Variants in TAB2 observed in about 807,000 individuals in gnomAD.
TAB2 encodes the protein TGF-beta activated kinase 1 (MAP3K7) binding protein 2, also known as TGF-beta-activated kinase 1 and MAP3K7-binding protein 2.
A neutral mutation model predicts 65.0 loss-of-function variants in TAB2; 3 were observed. The observed-to-expected ratio is 0.05, with a 90% confidence interval of 0.02 to 0.12. The LOEUF (loss-of-function observed/expected upper bound fraction) is 0.12, where lower values mean the gene tolerates loss of function less well. TAB2 is among the 10% of genes least tolerant of loss of function. TAB2 has a pLI of 1.00. For synonymous variants in TAB2, 298 were observed against 285.1 expected (o/e 1.05, Z -0.46); for missense variants, 623 against 840.3 (o/e 0.74, Z 3.20).
intron 1 of TAB2, among the ~76,000 whole-genome samples, chr6:149,338,930 A>G: frequency 6.6e-6 from 1 of 152,212 alleles, no homozygotes; most frequent in Non-Finnish European, 1.5e-5. Context: ...TAGAGTAGTA[A>G]TTGTTCAGCA....
At chr6:149,289,739 C>A (rs1778742469) in intron 1 of TAB2, among the ~76,000 whole-genome samples, 1 of 152,224 alleles carries the variant, frequency 6.6e-6, no homozygotes. Flanking sequence ...GCCTGTGACA[C>A]AACTCTCAGG....
chr6:149,401,554 G>A (rs1782412667), intron 6 of TAB2, among the ~76,000 whole-genome samples: 1 of 152,080 alleles, frequency 6.6e-6, no homozygotes, highest in African/African-American at 2.4e-5. Flanking sequence ...ACATTAATAT[G>A]TAAAGCAAAT....
rs187411667 is a variant in TAB2, at chr6:149,300,071, T to C, written c.-120-77947T>C. Among the ~76,000 whole-genome samples the C allele has an allele frequency of 4.8e-3, 724 of 152,284 alleles. 4 individuals are homozygous for C. The highest frequency in any genetic ancestry group is 0.027 in the Middle Eastern group (8 of 294). ...TGGCTAAAGGTAGAAATATACCTTT[T>C]TTCTTCCTATTTTTGAAGAATTTTT... On this transcript the variant is annotated intron_variant, in intron 1 of 1. Transcript: ENST00000606202.
intron 1 of TAB2, among the ~76,000 whole-genome samples, chr6:149,346,768 T>C (rs1346929815): frequency 1.3e-5 from 2 of 152,148 alleles, no homozygotes; most frequent in African/African-American, 4.8e-5. Flanking sequence ...ATACTTCTTA[T>C]AACTTTCTCT....
At chr6:149,322,227 T>C (rs1217742339) in intron 1 of TAB2, among the ~76,000 whole-genome samples, 1 of 152,126 alleles carries the variant, frequency 6.6e-6, no homozygotes, top group Non-Finnish European at 1.5e-5. Context: ...AAAGACTTAA[T>C]AAATGAGTAC....
intron 1 of TAB2, among the ~76,000 whole-genome samples, chr6:149,239,567 G>A (rs1157254823): frequency 6.6e-6 from 1 of 152,222 alleles, no homozygotes; most frequent in Non-Finnish European, 1.5e-5. Flanking sequence ...TTTCACTTCA[G>A]TTTAGTGAGC....
chr6:149,231,142 C>T, intron 1 of TAB2, among the ~76,000 whole-genome samples: 1 of 152,220 alleles, frequency 6.6e-6, no homozygotes, highest in East Asian at 1.9e-4. Context: ...CACCTCATTA[C>T]AATTCAGTTC....
intron 1 of TAB2, among the ~76,000 whole-genome samples, chr6:149,272,227 G>A (rs536730919): frequency 5.9e-5 from 9 of 152,316 alleles, no homozygotes; most frequent in South Asian, 2.1e-4. Flanking sequence ...CCCCAGATGG[G>A]ATGACCAACA....
At position 149,353,456 on chromosome 6, in the gene TAB2, C is replaced by A. The variant is rs78050963; in HGVS notation, c.-89-16453C>A. Among the ~76,000 whole-genome samples, 23 of 152,314 alleles carry A rather than the reference C, an allele frequency of 1.5e-4. No homozygotes were observed. The East Asian group carries it at 4.4e-3, about 29-fold the overall frequency. On this transcript the variant is annotated intron_variant, in intron 1 of 6. Coordinates refer to ENST00000637181, the MANE Select transcript of TAB2 (RefSeq NM_001292034.3). ...AGATAATCATTGTTACCAGTTTCTT[C>A]CCCAAGTGATTTAGATGTGCATCCA...
Position 149,357,430 on chromosome 6 carries a change from A to ACAC in TAB2, c.-89-12479_-89-12478insCAC, listed in dbSNP as rs1554261743. Among the ~76,000 whole-genome samples the ACAC allele has an allele frequency of 3.4e-3, 375 of 111,184 alleles. 7 individuals are homozygous for ACAC. Among genetic ancestry groups the ACAC allele is most frequent in the African/African-American group, 6.3e-3 (183 of 29,204 alleles). The allele number at this position is 111,184 out of a possible 152,430, so 72.9% of individuals were successfully genotyped here. On this transcript the variant is annotated intron_variant, in intron 1 of 6. Coordinates refer to ENST00000637181, the MANE Select transcript of TAB2 (RefSeq NM_001292034.3). Reference sequence around the variant, plus strand: ...GACTCCGTCTCAAGGAGAAAAAAAAAACACACACACACACACACACACACA... The same window carrying ACAC: ...GACTCCGTCTCAAGGAGAAAAAAAAACACACACACACACACACACACACACACA...
Position 149,378,801 on chromosome 6 carries a change from C to G in TAB2, c.886C>G (p.Pro296Ala). ...CAGTTCACCTACTACTTCACAACCA[C>G]CAACCATTCATTCATCTGGTAGCTC... Reference protein sequence around the residue: ...PISSPTTSQPPTIHSSGSSQS... With the variant: ...PISSPTTSQPATIHSSGSSQS... The change falls in exon 3 of 7, where the codon CCA (proline) becomes GCA (alanine). Residue 296 changes from proline (P) to alanine (A), a missense_variant. Around this residue, in one of 3 missense-constraint regions of TAB2, gnomAD observed 550 missense variants for 665.7 expected, o/e 0.83. Transcript: ENST00000637181. 1 of 1,614,212 alleles carries G rather than the reference C, an allele frequency of 6.2e-7. No homozygotes were observed. Among genetic ancestry groups the G allele is most frequent in the Admixed American group, 1.7e-5 (1 of 60,014 alleles).
intron 1 of TAB2, among the ~76,000 whole-genome samples, chr6:149,294,800 C>T (rs1211740360): frequency 1.3e-5 from 2 of 152,214 alleles, no homozygotes; most frequent in Non-Finnish European, 2.9e-5. Context: ...GGTGCAAATT[C>T]TCCCACTGGC....
chr6:149,257,257 T>C (rs1562390756), intron 1 of TAB2: 1 of 152,174 alleles, frequency 6.6e-6, no homozygotes, highest in Non-Finnish European at 1.5e-5. Flanking sequence ...ATACTCAAAA[T>C]ACATGCACTC....
chr6:149,253,958 A>AAGAAAGAG (rs1403666068), intron 1 of TAB2, among the ~76,000 whole-genome samples: 2 of 76,366 alleles, frequency 2.6e-5, no homozygotes, highest in Non-Finnish European at 5.3e-5. Flanking sequence ...GAAAGAAAGA[A>AAGAAAGAG]AAAGAAAGAA....
At chr6:149,392,448 C>T (rs573424521) in intron 3 of TAB2, among the ~76,000 whole-genome samples, 2 of 152,342 alleles carry the variant, frequency 1.3e-5, no homozygotes, top group East Asian at 3.9e-4. Flanking sequence ...GCTACCTTCC[C>T]TTTAGGATGG....
At chr6:149,298,261 A>C (rs1222001957) in intron 1 of TAB2, among the ~76,000 whole-genome samples, 3 of 151,816 alleles carry the variant, frequency 2.0e-5, no homozygotes, top group Non-Finnish European at 4.4e-5. Context: ...AAAGACATAT[A>C]GTTTTTAAAT....
At chr6:149,366,720 G>A (rs567444575) in intron 1 of TAB2, among the ~76,000 whole-genome samples, 1 of 152,174 alleles carries the variant, frequency 6.6e-6, no homozygotes, top group South Asian at 2.1e-4. Context: ...GGTCTGGTAG[G>A]CGTTACTCAG....
chr6:149,223,313 C>A (rs1047348143), intron 1 of TAB2, among the ~76,000 whole-genome samples: 1 of 152,216 alleles, frequency 6.6e-6, no homozygotes, highest in Admixed American at 6.5e-5. Flanking sequence ...CTCAGTCAGT[C>A]TTTTCCAGTA....
intron 1 of TAB2, among the ~76,000 whole-genome samples, chr6:149,358,638 C>CTGTGTGTGTGTGTGTGTGTGTGTG (rs1246116686): frequency 3.2e-4 from 4 of 12,332 alleles, no homozygotes; most frequent in Non-Finnish European, 1.0e-3. Context: ...CTCTTCAGAA[C>CTGTGTGTGTGTGTGTGTGTGTGTG]TCTGTGTGTG....
Sources: allele counts gnomAD v4.1 joint callset (sites outside exome capture counted in the v4.1 genomes callset), GRCh38; gene constraint gnomAD v4.1.1; regional missense constraint gnomAD v4.1.1; transcripts MANE v1.5; gene names NCBI Gene and HGNC (gene_info 2026-07-23, HGNC 2026-07-21).